CSMD3: variants seen among roughly 807,000 people sequenced by gnomAD.
The protein encoded by CSMD3 is CUB and sushi domain-containing protein 3.
In CSMD3, 177 loss-of-function variants were observed where a neutral mutation model predicts 435.2. The observed-to-expected ratio is 0.41, with a 90% CI of 0.36 to 0.46. The LOEUF (loss-of-function observed/expected upper bound fraction) is 0.46. Among genes scored for constraint, CSMD3 ranks in the 20% least tolerant of loss-of-function variants. The pLI is 0.34. For missense variants in CSMD3, 4,265 were observed against 4,504.6 expected, an observed-to-expected ratio of 0.95 and a Z score of 1.52; for synonymous variants, 1,656 against 1,520.5, an observed-to-expected ratio of 1.09 and a Z score of -2.07.
intron 32 of CSMD3, among the ~76,000 whole-genome samples, chr8:112,431,203 A>G (rs1254415032): frequency 6.6e-6 from 1 of 152,096 alleles, no homozygotes; most frequent in African/African-American, 2.4e-5. Flanking sequence ...TTTGGTTTTA[A>G]TGTTTAAAAG....
At chr8:113,395,195 T>C (rs2094477610) in intron 1 of CSMD3, among the ~76,000 whole-genome samples, 1 of 152,186 alleles carries the variant, frequency 6.6e-6, no homozygotes, top group African/African-American at 2.4e-5. Context: ...AGTTTATGAA[T>C]CTTTTTCTTT....
intron 7 of CSMD3, among the ~76,000 whole-genome samples, chr8:112,971,106 C>A (rs2084639759): frequency 6.6e-6 from 1 of 152,146 alleles, no homozygotes; most frequent in African/African-American, 2.4e-5. Flanking sequence ...TACTGTAATT[C>A]AATAACATTT....
intron 22 of CSMD3, among the ~76,000 whole-genome samples, chr8:112,594,315 T>G (rs1831477155): frequency 6.6e-6 from 1 of 152,068 alleles, no homozygotes; most frequent in African/African-American, 2.4e-5. Flanking sequence ...CGGACCGGCT[T>G]AAAAAACGGC....
At chr8:112,748,477 G>A (rs2077491423) in intron 13 of CSMD3, among the ~76,000 whole-genome samples, 1 of 151,876 alleles carries the variant, frequency 6.6e-6, no homozygotes, top group African/African-American at 2.4e-5. Flanking sequence ...TATCTTTTCT[G>A]CGCCTCTCCC....
chr8:113,373,076 T>C (rs1380718001), intron 1 of CSMD3, among the ~76,000 whole-genome samples: 4 of 152,212 alleles, frequency 2.6e-5, no homozygotes, highest in African/African-American at 9.6e-5. Context: ...GCGTTTTCAT[T>C]TAATCTTCAA....
chr8:112,422,982 T>C (rs931377918), intron 32 of CSMD3, among the ~76,000 whole-genome samples: 2 of 152,176 alleles, frequency 1.3e-5, no homozygotes, highest in African/African-American at 4.8e-5. Flanking sequence ...TTACTTAACC[T>C]TCTCCAGAGA....
chr8:112,501,667 A>C (rs1037770596), intron 30 of CSMD3, among the ~76,000 whole-genome samples: 1 of 152,150 alleles, frequency 6.6e-6, no homozygotes, highest in Non-Finnish European at 1.5e-5. Context: ...CCTTTGACCC[A>C]GTAATCCCAC....
At chr8:112,610,114 T>G in intron 22 of CSMD3, among the ~76,000 whole-genome samples, 1 of 152,226 alleles carries the variant, frequency 6.6e-6, no homozygotes, top group Admixed American at 6.5e-5. Flanking sequence ...TTACTATAGT[T>G]AATAGCATTG....
intron 50 of CSMD3, chr8:112,310,151 T>G (rs536399540): frequency 6.6e-6 from 1 of 152,322 alleles, no homozygotes; most frequent in Non-Finnish European, 1.5e-5. Context: ...GAGCTTGTCT[T>G]TATGACTATG....
intron 53 of CSMD3, among the ~76,000 whole-genome samples, chr8:112,297,971 C>T (rs1269216922): frequency 7.3e-6 from 1 of 137,394 alleles, no homozygotes; most frequent in African/African-American, 2.6e-5. Context: ...AAAAAAAGAA[C>T]AATTTTACTT....
intron 2 of CSMD3, among the ~76,000 whole-genome samples, chr8:113,300,783 G>T (rs1380861096): frequency 1.3e-5 from 2 of 151,912 alleles, no homozygotes; most frequent in African/African-American, 4.8e-5. Context: ...CCAAAGCTCA[G>T]CAGCAAGCAA....
chr8:113,426,405 G>C lies in CSMD3; in HGVS notation c.178+10272C>G, dbSNP rs559581524. The stretch of plus-strand genomic sequence containing the variant: ...GTGTATCCATTATGTGGTACATTAT[G>C]TGTTATTTTAAGAGAAAATAAAATA... On this transcript the variant is annotated intron_variant, in intron 1 of 70. Transcript: ENST00000297405. Among the ~76,000 whole-genome samples the C allele has an allele frequency of 2.3e-4, 35 of 151,170 alleles. 1 individual carries two copies. Among genetic ancestry groups the C allele is most frequent in the African/African-American group, 6.3e-4 (26 of 41,388 alleles).
At chr8:112,293,411 T>C (rs1819967609) in intron 54 of CSMD3, among the ~76,000 whole-genome samples, 1 of 152,176 alleles carries the variant, frequency 6.6e-6, no homozygotes, top group Non-Finnish European at 1.5e-5. Context: ...GCTTTCAATA[T>C]TATTTGAACA....
At chr8:112,388,089 C>T (rs1751751959) in intron 36 of CSMD3, among the ~76,000 whole-genome samples, 1 of 152,014 alleles carries the variant, frequency 6.6e-6, no homozygotes, top group African/African-American at 2.4e-5. Context: ...TAAGAATAAG[C>T]AACATAAAAG....
chr8:112,631,816 A>G (rs1168677676), intron 22 of CSMD3, among the ~76,000 whole-genome samples: 1 of 152,004 alleles, frequency 6.6e-6, no homozygotes, highest in Non-Finnish European at 1.5e-5. Flanking sequence ...AAATTGGGTT[A>G]AATAGAACTC....
At chr8:113,252,636 C>A (rs2132307399) in intron 3 of CSMD3, among the ~76,000 whole-genome samples, 1 of 152,002 alleles carries the variant, frequency 6.6e-6, no homozygotes, top group Non-Finnish European at 1.5e-5. Flanking sequence ...TCTATTATGA[C>A]AAATCAATTT....
chr8:112,862,218 T>C (rs927853191), intron 10 of CSMD3, among the ~76,000 whole-genome samples: 6 of 152,032 alleles, frequency 3.9e-5, no homozygotes, highest in Non-Finnish European at 8.8e-5. Flanking sequence ...ACTTAACAAG[T>C]TGTATATCTA....
intron 59 of CSMD3, among the ~76,000 whole-genome samples, chr8:112,270,110 G>A (rs1030552340): frequency 1.6e-4 from 25 of 152,084 alleles, no homozygotes; most frequent in African/African-American, 4.3e-4. Context: ...TCCAACTCAC[G>A]TATAGTCTGA....
chr8:112,389,227 T>G (rs1481030054), intron 36 of CSMD3, among the ~76,000 whole-genome samples: 1 of 152,170 alleles, frequency 6.6e-6, no homozygotes, highest in Non-Finnish European at 1.5e-5. Flanking sequence ...TTTCAAAATT[T>G]TAAGATTAGA....
Sources: gnomAD v4.1 joint callset for allele counts (sites outside exome capture counted in the v4.1 genomes callset) on GRCh38, gnomAD v4.1.1 for gene constraint, MANE v1.5 for transcripts, NCBI Gene and HGNC (gene_info 2026-07-23, HGNC 2026-07-21) for gene names.